Variants in SRRT observed in about 807,000 individuals in gnomAD.
SRRT encodes the protein serrate RNA effector molecule homolog.
A neutral mutation model predicts 103.2 loss-of-function variants in SRRT; 32 were observed. The ratio of observed to expected loss-of-function variants is 0.31; its 90% CI spans 0.23 to 0.42. SRRT has a LOEUF of 0.42. Ranked by LOEUF, SRRT falls within the 10% of genes least tolerant of loss-of-function variation. The probability of loss-of-function intolerance (pLI) is 1.00; values close to 1 mark genes in which losing one functional copy is unlikely to be tolerated. For missense variants in SRRT, 986 were observed against 1,207.5 expected, an observed-to-expected ratio of 0.82 and a Z score of 2.72; for synonymous variants, 525 against 449.0, an observed-to-expected ratio of 1.17 and a Z score of -2.14.
rs546013485 is a variant in SRRT at position 100,876,339 on chromosome 7, A to G, written c.122+627A>G. On this transcript the variant is annotated intron_variant, in intron 2 of 19. Transcript: ENST00000611405. The stretch of plus-strand genomic sequence containing the variant: ...TCTAATTTTTGTATTTTTAGTAGAG[A>G]CGGGGTTTCACCATGTTGGCTAGGC... 1.3e-4 allele frequency among the ~76,000 whole-genome samples: 20 copies of G among 152,150 alleles called. No homozygotes were observed. The South Asian group carries it at 1.7e-3, about 13-fold the overall frequency.
intron 2 of SRRT, among the ~76,000 whole-genome samples, chr7:100,877,126 T>TAA (rs113003080): frequency 9.4e-4 from 134 of 143,202 alleles, no homozygotes; most frequent in African/African-American, 3.3e-3. Context: ...AGCAAAGAGT[T>TAA]AAAAAAAAAA....
chr7:100,884,133 G>A lies in SRRT; in HGVS notation c.651G>A (p.Leu217=). 1 of 1,613,674 alleles carries A rather than the reference G, an allele frequency of 6.2e-7. No individual in the cohort carries two copies. Among genetic ancestry groups the A allele is most frequent in the East Asian group, 2.2e-5 (1 of 44,854 alleles). The change falls in exon 6 of 20, where the codon CTG becomes CTA. Residue 217 remains leucine (L), a synonymous_variant. Transcript: ENST00000611405. ...GTCGGCAGGAGGCCCGGGGGGCCCT[G>A]CAAAACCGACTGAGGGTCTTCCTGT... ...GKRRQEARGA[L]QNRLRVFLSL... is the part of the protein sequence containing the mutation.
intron 7 of SRRT, 70 bp downstream of exon 7, chr7:100,884,622 G>A: frequency 6.9e-7 from 1 of 1,452,692 alleles, no homozygotes; most frequent in South Asian, 1.2e-5. Context: ...GGGTCCATAG[G>A]AGCTAGAAGT....
chr7:100,884,577 T>C (rs780014188), intron 7 of SRRT, 25 bp downstream of exon 7: 10 of 1,185,370 alleles, frequency 8.4e-6, no homozygotes, highest in East Asian at 4.8e-5. Flanking sequence ...TCTCCTAGTG[T>C]TGTCCCTGGC....
intron 4 of SRRT, 65 bp downstream of exon 4, chr7:100,881,870 C>T: frequency 6.5e-7 from 1 of 1,532,228 alleles, no homozygotes. Context: ...TGCTGAAGGC[C>T]ATGGCTGAAG....
chr7:100,883,937 C>T, intron 5 of SRRT, 133 bp from the exon 6 acceptor site: 2 of 983,250 alleles, frequency 2.0e-6, no homozygotes, highest in Non-Finnish European at 2.9e-6. Context: ...ATCCCTTAAT[C>T]TCTCTATTTT....
intron 12 of SRRT, 110 bp from the exon 13 acceptor site, chr7:100,886,137 G>A (rs892895702): frequency 1.5e-6 from 2 of 1,345,720 alleles, no homozygotes; most frequent in Non-Finnish European, 2.0e-6. Flanking sequence ...TCCCCAGGGA[G>A]CTCGCAGTCT....
chr7:100,875,841 T>A, intron 2 of SRRT, 129 bp downstream of exon 2: 1 of 1,226,918 alleles, frequency 8.2e-7, no homozygotes, highest in Non-Finnish European at 1.2e-6. Flanking sequence ...GACCGTTTTC[T>A]GTGGTTCAGC....
At chr7:100,876,942 T>C (rs1192124429) in intron 2 of SRRT, among the ~76,000 whole-genome samples, 2 of 152,156 alleles carry the variant, frequency 1.3e-5, no homozygotes, top group African/African-American at 2.4e-5. Context: ...GATTTTAGCA[T>C]ATTCTAGTTT....
At position 100,881,418 on chromosome 7, in the gene SRRT, G is replaced by C. The variant is rs1474301988; in HGVS notation, c.251+5G>C. 1 of 1,609,452 alleles carries C rather than the reference G, an allele frequency of 6.2e-7. No homozygotes were observed. Among genetic ancestry groups the C allele is most frequent in the Non-Finnish European group, 8.5e-7 (1 of 1,176,278 alleles). ...GAAGCGCATGAGGAGAGACTGGTGAGATGGAGCGGTTTCCCTCTCCTCCCC... is the reference window on the plus strand; with the variant it reads ...GAAGCGCATGAGGAGAGACTGGTGACATGGAGCGGTTTCCCTCTCCTCCCC... On this transcript the variant is annotated splice_donor_5th_base_variant and intron_variant, in intron 3 of 19. Transcript: ENST00000611405.
chr7:100,888,597 T>C lies in SRRT; in HGVS notation c.*48T>C. On this transcript the variant is annotated 3_prime_UTR_variant, in exon 20 of 20. Coordinates refer to ENST00000611405, the MANE Select transcript of SRRT (RefSeq NM_015908.6). ...TGTATCATCCATACTTGTACTACCT[T>C]GTCCTATGAAGCTCTGAGAATTTTT... is the stretch of plus-strand genomic sequence containing the variant. The C allele has an allele frequency of 1.2e-6, 2 of 1,610,414 alleles. No individual in the cohort carries two copies. The highest frequency in any genetic ancestry group is 8.5e-7 in the Non-Finnish European group (1 of 1,176,634).
intron 7 of SRRT, 65 bp from the exon 8 acceptor site, chr7:100,884,675 T>A (rs1206206085): frequency 4.8e-6 from 4 of 827,978 alleles, no homozygotes; most frequent in East Asian, 4.2e-5. Context: ...GCTGTGGGGG[T>A]GGGGGCCCTC....
rs765135123 is a variant in SRRT, at chr7:100,884,997, G to T, written c.1116G>T (p.Ser372=). The change falls in exon 9 of 20, where the codon TCG becomes TCT. Residue 372 remains serine (S), a synonymous_variant. Coordinates refer to ENST00000611405, the MANE Select transcript of SRRT (RefSeq NM_015908.6). ...AGGGCAGCGTGTCAGAGTCTGAGTCGGAGTCAGAGAGCGGCCAGGCTGAGG... is the reference window on the plus strand; with the variant it reads ...AGGGCAGCGTGTCAGAGTCTGAGTCTGAGTCAGAGAGCGGCCAGGCTGAGG... The part of the protein sequence containing the change: ...FDEGSVSESE[S]ESESGQAEEE... 6.2e-7 allele frequency: 1 copy of T among 1,614,084 alleles called. No homozygotes were observed. The highest frequency in any genetic ancestry group is 1.7e-5 in the Admixed American group (1 of 60,010).
At chr7:100,881,214 A>G (rs1256210304) in intron 2 of SRRT, 71 bp from the exon 3 acceptor site, 19 of 1,546,220 alleles carry the variant, frequency 1.2e-5, no homozygotes, top group African/African-American at 2.7e-5. Flanking sequence ...CTCGGCCTCA[A>G]AAGTGCTTGG....
chr7:100,885,137 G>GAAAGCTT lies in SRRT; in HGVS notation c.1160-75_1160-69dup. The GAAAGCTT allele has an allele frequency of 6.2e-7, 1 of 1,601,534 alleles. No homozygotes were observed. The highest frequency in any genetic ancestry group is 8.5e-7 in the Non-Finnish European group (1 of 1,172,728). On this transcript the variant is annotated intron_variant, in intron 9 of 19. Transcript: ENST00000611405. This position sits in a 1 kb window ranked among gnomAD's most constrained non-coding sequence, Gnocchi z 4.8. ...ACGGGAGGGTGGGTGGCTTTTAGGGGAAAGCTTCTGTATCCTCCCCACCAC... is the reference window on the plus strand; with the variant it reads ...ACGGGAGGGTGGGTGGCTTTTAGGGGAAAGCTTAAAGCTTCTGTATCCTCCCCACCAC...
At position 100,888,139 on chromosome 7, in the gene SRRT, T is replaced by C. The variant is rs1164887669; in HGVS notation, c.2424T>C (p.Tyr808=). ...YGQPRPPILG[Y]GAGAVRPAVP... ...AGCCCCGGCCCCCGATCTTGGGCTA[T>C]GGAGGTAAGTACAGGAGGGAGATGA... The change falls in exon 18 of 20, where the codon TAT becomes TAC. Residue 808 remains tyrosine (Y), a synonymous_variant. Transcript: ENST00000611405. 2 of 1,610,772 alleles carry C rather than the reference T, an allele frequency of 1.2e-6. No homozygotes were observed. Among genetic ancestry groups the C allele is most frequent in the South Asian group, 1.1e-5 (1 of 90,670 alleles).
chr7:100,884,313 C>A (rs77638633), intron 6 of SRRT, 55 bp from the exon 7 acceptor site: 1 of 1,609,934 alleles, frequency 6.2e-7, no homozygotes, highest in Non-Finnish European at 8.5e-7. Context: ...AGGTAGAAGC[C>A]GGTTGACAGG....
Position 100,885,642 on chromosome 7 carries a change from G to A in SRRT, c.1318-59G>A. On this transcript the variant is annotated intron_variant, in intron 10 of 19. Transcript: ENST00000611405. This position sits in a 1 kb window ranked among gnomAD's most constrained non-coding sequence, Gnocchi z 4.8. ...AGGGTTCTGAGGGCAGTGGGGGATTGGAGGAAGAAGCGAATGAATCCTTGA... is the reference window on the plus strand; with the variant it reads ...AGGGTTCTGAGGGCAGTGGGGGATTAGAGGAAGAAGCGAATGAATCCTTGA... 6.5e-7 allele frequency: 1 copy of A among 1,529,802 alleles called. No individual in the cohort carries two copies. The highest frequency in any genetic ancestry group is 8.9e-7 in the Non-Finnish European group (1 of 1,122,828). 94.8% of individuals were successfully genotyped at this position (1,529,802 alleles called of 1,614,324 possible). A position where few individuals can be genotyped will look rare whatever the true frequency, so the allele number is the denominator to read the frequency against.
In SRRT at chr7:100,888,327, A is replaced by C; in HGVS notation, c.2499A>C (p.Arg833=). The C allele has an allele frequency of 6.2e-7, 1 of 1,614,140 alleles. No homozygotes were observed. The highest frequency in any genetic ancestry group is 1.1e-5 in the South Asian group (1 of 91,082). ...CCCATGCCCCGTATGGTGCTGGTCG[A>C]GGGAACTATGATGCCTTCCGAGGCC... The part of the protein sequence containing the change: ...PYPHAPYGAG[R]GNYDAFRGQG... The change falls in exon 19 of 20, where the codon CGA becomes CGC. Residue 833 remains arginine, a synonymous_variant. Coordinates refer to ENST00000611405, the MANE Select transcript of SRRT (RefSeq NM_015908.6).
Sources: gnomAD v4.1 joint callset for allele counts (sites outside exome capture counted in the v4.1 genomes callset) on GRCh38, gnomAD v4.1.1 for gene constraint, Gnocchi (gnomAD v3.1) non-coding constraint, MANE v1.5 for transcripts, NCBI Gene and HGNC (gene_info 2026-07-23, HGNC 2026-07-21) for gene names.